Variants in ADRA1A observed in about 807,000 individuals in gnomAD.
ADRA1A encodes adrenoceptor alpha 1A, also known as alpha-1A adrenergic receptor.
Under a neutral mutation model 29.6 loss-of-function variants are expected in ADRA1A, and 31 were observed. That is an observed-to-expected ratio of 1.05 (90% CI 0.79 to 1.41). The LOEUF is 1.41. Ranked by LOEUF, ADRA1A falls within the 40% of genes most tolerant of loss-of-function variation. The probability of loss-of-function intolerance (pLI) is 0.00; values close to 1 mark genes in which losing one functional copy is unlikely to be tolerated. For missense variants in ADRA1A, 619 were observed against 601.1 expected, an observed-to-expected ratio of 1.03 and a Z score of -0.31; for synonymous variants, 311 against 254.3, an observed-to-expected ratio of 1.22 and a Z score of -2.12.
chr8:26,797,064 G>A (rs1318162204), intron 2 of ADRA1A, among the ~76,000 whole-genome samples: 3 of 152,128 alleles, frequency 2.0e-5, no homozygotes, highest in Non-Finnish European at 4.4e-5. Context: ...TCATTCTGTT[G>A]TGAGAGTGGA....
intron 2 of ADRA1A, among the ~76,000 whole-genome samples, chr8:26,790,281 A>T (rs1807720623): frequency 6.6e-6 from 1 of 152,222 alleles, no homozygotes. Context: ...AGCCCTAAAA[A>T]AGAATGAAAT....
At position 26,825,956 on chromosome 8, in the gene ADRA1A, A is replaced by G. The variant is rs556620359; in HGVS notation, c.883+38131T>C. On this transcript the variant is annotated intron_variant, in intron 2 of 2. Coordinates refer to ENST00000380573, the MANE Select transcript of ADRA1A (RefSeq NM_000680.4). This position sits in a 1 kb window ranked among gnomAD's most constrained non-coding sequence, Gnocchi z 5.7. ...GCTGGGCACTGGCCATGCCAAAAAC[A>G]CATAAACACATTCTGTCCAGAGAGT... Among the ~76,000 whole-genome samples the G allele has an allele frequency of 1.3e-5, 2 of 152,248 alleles. No homozygotes were observed. The highest frequency in any genetic ancestry group is 4.8e-5 in the African/African-American group (2 of 41,472).
intron 2 of ADRA1A, among the ~76,000 whole-genome samples, chr8:26,820,690 G>A (rs150357463): frequency 4.6e-5 from 7 of 152,206 alleles, no homozygotes; most frequent in East Asian, 1.9e-4. Context: ...GCCAATATGC[G>A]AGCATTGTTA....
chr8:26,798,871 T>C (rs1470340784), intron 2 of ADRA1A, among the ~76,000 whole-genome samples: 1 of 152,228 alleles, frequency 6.6e-6, no homozygotes, highest in Non-Finnish European at 1.5e-5. Flanking sequence ...CTCTATAGTA[T>C]TACCAACATC....
rs2130610162 is a variant in ADRA1A, at chr8:26,823,956, A to G, written c.883+40131T>C. On this transcript the variant is annotated intron_variant, in intron 2 of 2. Coordinates refer to ENST00000380573, the MANE Select transcript of ADRA1A (RefSeq NM_000680.4). The surrounding 1 kb of genome is among the most constrained non-coding windows in gnomAD (Gnocchi z 4.2). ...GTTACTCTGGGCTCATTTAGAAGAAAGTATTGCCCTGGGCTGGAAAATGGA... is the reference window on the plus strand; with the variant it reads ...GTTACTCTGGGCTCATTTAGAAGAAGGTATTGCCCTGGGCTGGAAAATGGA... 6.6e-6 allele frequency among the ~76,000 whole-genome samples: 1 copy of G among 152,290 alleles called. No individual in the cohort carries two copies. The highest frequency in any genetic ancestry group is 2.1e-4 in the South Asian group (1 of 4,828).
chr8:26,814,049 AG>A (rs1387071695), intron 2 of ADRA1A, among the ~76,000 whole-genome samples: 4 of 152,216 alleles, frequency 2.6e-5, no homozygotes, highest in Admixed American at 2.6e-4. Context: ...ATAATGAGTT[AG>A]TTGCCAAGTT....
At chr8:26,824,059 A>G (rs1281150736) in intron 2 of ADRA1A, among the ~76,000 whole-genome samples, 1 of 152,092 alleles carries the variant, frequency 6.6e-6, no homozygotes, top group Non-Finnish European at 1.5e-5. Context: ...TGTACTGGCC[A>G]CTGTCTGGAT....
At chr8:26,829,653 CA>C (rs1247284065) in intron 2 of ADRA1A, among the ~76,000 whole-genome samples, 1 of 152,006 alleles carries the variant, frequency 6.6e-6, no homozygotes, top group Admixed American at 6.6e-5. Context: ...AATACAGCTC[CA>C]AGTTACATAA....
chr8:26,780,634 C>A (rs1806904196), intron 2 of ADRA1A, among the ~76,000 whole-genome samples: 1 of 152,216 alleles, frequency 6.6e-6, no homozygotes, highest in Non-Finnish European at 1.5e-5. Flanking sequence ...AGCAGGGAAA[C>A]CCCTGGGCCA....
At chr8:26,776,163 C>T (rs1015298446) in intron 2 of ADRA1A, among the ~76,000 whole-genome samples, 8 of 152,158 alleles carry the variant, frequency 5.3e-5, no homozygotes, top group African/African-American at 9.7e-5. Context: ...TTTGATACAC[C>T]GGTGAGTGCT....
rs908518650 is a variant in ADRA1A, at chr8:26,865,711, C to CT, written c.-686-57dup. The CT allele has an allele frequency of 2.0e-6, 2 of 985,512 alleles. No individual in the cohort carries two copies. The highest frequency in any genetic ancestry group is 2.4e-6 in the Non-Finnish European group (2 of 830,170). The allele number at this position is 985,512 out of a possible 1,614,324, so 61.0% of individuals were successfully genotyped here. On this transcript the variant is annotated intron_variant, in intron 1 of 2. Coordinates refer to ENST00000380573, the MANE Select transcript of ADRA1A (RefSeq NM_000680.4). The surrounding 1 kb of genome is among the most constrained non-coding windows in gnomAD (Gnocchi z 7.6). The stretch of plus-strand genomic sequence containing the variant: ...GAGCTAGGCGCCCCAGGGAAAGAGG[C>CT]TGTGCTGAGCTTGACGGGTTGGGGG...
chr8:26,784,916 A>T (rs1014515753), intron 2 of ADRA1A, among the ~76,000 whole-genome samples: 1 of 152,208 alleles, frequency 6.6e-6, no homozygotes, highest in African/African-American at 2.4e-5. Context: ...ATACATGAAA[A>T]GTATCTCAGA....
chr8:26,784,952 G>A (rs1054073265), intron 2 of ADRA1A, among the ~76,000 whole-genome samples: 9 of 152,138 alleles, frequency 5.9e-5, no homozygotes, highest in Admixed American at 2.6e-4. Context: ...ACTCACTGAG[G>A]CCAGAGACTG....
At chr8:26,759,219 A>G (rs548490372) in intron 2 of ADRA1A, among the ~76,000 whole-genome samples, 1 of 152,190 alleles carries the variant, frequency 6.6e-6, no homozygotes, top group Non-Finnish European at 1.5e-5. Flanking sequence ...TCTGTTGCAC[A>G]AATGTCAGCT....
chr8:26,851,086 T>C (rs1397350781), intron 2 of ADRA1A, among the ~76,000 whole-genome samples: 1 of 152,134 alleles, frequency 6.6e-6, no homozygotes, highest in Non-Finnish European at 1.5e-5. Flanking sequence ...AGGAGGACAA[T>C]TGGTAAACTA....
At chr8:26,819,824 T>G (rs1810027615) in intron 2 of ADRA1A, among the ~76,000 whole-genome samples, 1 of 152,066 alleles carries the variant, frequency 6.6e-6, no homozygotes, top group Non-Finnish European at 1.5e-5. Context: ...CCTGAATGGG[T>G]TTAAAAAACA....
At chr8:26,854,702 A>G (rs1812894108) in intron 2 of ADRA1A, 2 of 152,310 alleles carry the variant, frequency 1.3e-5, no homozygotes, top group South Asian at 4.1e-4. Flanking sequence ...TGGAGCCAGG[A>G]AACAATGGAG....
intron 2 of ADRA1A, among the ~76,000 whole-genome samples, chr8:26,851,392 G>A (rs957446956): frequency 3.9e-5 from 6 of 152,200 alleles, no homozygotes; most frequent in African/African-American, 1.2e-4. Context: ...AAAGTTACCC[G>A]TTTTACGAAA....
At position 26,864,930 on chromosome 8, in the gene ADRA1A, A is replaced by G; in HGVS notation, c.40T>C (p.Cys14Arg). Reference protein sequence around the residue: ...LSGNASDSSNCTQPPAPVNIS... With the variant: ...LSGNASDSSNRTQPPAPVNIS... ...TTCACCGGTGCCGGCGGTTGGGTGC[A>G]GTTGGAGCTGTCGGAAGCATTTCCC... The change falls in exon 2 of 3, where the codon TGC becomes CGC. Residue 14 changes from cysteine to arginine, a missense_variant. Coordinates refer to ENST00000380573, the MANE Select transcript of ADRA1A (RefSeq NM_000680.4). The surrounding 1 kb of genome is among the most constrained non-coding windows in gnomAD (Gnocchi z 8.1). The G allele has an allele frequency of 6.2e-7, 1 of 1,612,672 alleles. No homozygotes were observed. The highest frequency in any genetic ancestry group is 8.5e-7 in the Non-Finnish European group (1 of 1,179,832).
Sources: allele counts gnomAD v4.1 joint callset (sites outside exome capture counted in the v4.1 genomes callset), GRCh38; gene constraint gnomAD v4.1.1; non-coding constraint Gnocchi (gnomAD v3.1); transcripts MANE v1.5; gene names NCBI Gene and HGNC (gene_info 2026-07-23, HGNC 2026-07-21).